Variants in DENND1A observed in about 807,000 individuals in gnomAD.
DENND1A encodes the protein DENN domain containing 1A.
Under a neutral mutation model 113.7 loss-of-function variants are expected in DENND1A, and 51 were observed. That is an observed-to-expected ratio of 0.45 (90% CI 0.36 to 0.57). DENND1A has a LOEUF of 0.57. DENND1A is among the 20% of genes least tolerant of loss of function. DENND1A has a pLI of 0.00. For missense variants in DENND1A, 1,258 were observed against 1,395.9 expected (o/e 0.90, Z 1.57); for synonymous variants, 565 against 570.8 (o/e 0.99, Z 0.14).
chr9:123,528,182 A>C (rs1184377897), intron 13 of DENND1A, among the ~76,000 whole-genome samples: 1 of 152,362 alleles, frequency 6.6e-6, no homozygotes, highest in Non-Finnish European at 1.5e-5. Context: ...TCAATATCAA[A>C]GCTATTCTCT....
At chr9:123,465,325 T>G (rs1300951775) in intron 13 of DENND1A, among the ~76,000 whole-genome samples, 1 of 149,198 alleles carries the variant, frequency 6.7e-6, no homozygotes, top group Non-Finnish European at 1.5e-5. Context: ...TTTTTTTTTT[T>G]TTTTTTGGTA....
At chr9:123,408,191 T>C (rs944695173) in intron 20 of DENND1A, among the ~76,000 whole-genome samples, 1 of 152,226 alleles carries the variant, frequency 6.6e-6, no homozygotes, top group African/African-American at 2.4e-5. Context: ...TGGAGGCTGA[T>C]GGCTCCTGAC....
chr9:123,718,125 AC>A (rs1345088781), intron 5 of DENND1A, among the ~76,000 whole-genome samples: 1 of 152,218 alleles, frequency 6.6e-6, no homozygotes, highest in East Asian at 1.9e-4. Context: ...AAAAGCACAT[AC>A]ACTAATGTGA....
chr9:123,778,089 T>C (rs1014585961), intron 3 of DENND1A, among the ~76,000 whole-genome samples: 4 of 152,130 alleles, frequency 2.6e-5, no homozygotes, highest in African/African-American at 9.7e-5. Flanking sequence ...AGAAATTATA[T>C]AATTCAAAAA....
At chr9:123,660,775 A>T (rs1056595432) in intron 8 of DENND1A, among the ~76,000 whole-genome samples, 1 of 152,260 alleles carries the variant, frequency 6.6e-6, no homozygotes, top group African/African-American at 2.4e-5. Flanking sequence ...ACGCCAAAAA[A>T]CAGGAGAAGA....
intron 13 of DENND1A, among the ~76,000 whole-genome samples, chr9:123,474,626 G>A (rs2049751337): frequency 6.6e-6 from 1 of 152,210 alleles, no homozygotes; most frequent in Non-Finnish European, 1.5e-5. Context: ...GGAGGATCAG[G>A]CTGGTTTTGA....
At chr9:123,685,705 T>C (rs1424882274) in intron 5 of DENND1A, among the ~76,000 whole-genome samples, 1 of 152,158 alleles carries the variant, frequency 6.6e-6, no homozygotes, top group Non-Finnish European at 1.5e-5. Context: ...GAAGTGTTGG[T>C]AACATGAGAT....
chr9:123,905,991 G>A (rs1173925485), intron 1 of DENND1A, among the ~76,000 whole-genome samples: 1 of 151,398 alleles, frequency 6.6e-6, no homozygotes, highest in South Asian at 2.1e-4. Flanking sequence ...AAAGAACAGA[G>A]ATTATAACAA....
intron 13 of DENND1A, among the ~76,000 whole-genome samples, chr9:123,472,978 T>TG (rs1348413343): frequency 6.6e-6 from 1 of 152,182 alleles, no homozygotes; most frequent in Non-Finnish European, 1.5e-5. Context: ...GCTGGGTCAG[T>TG]GTCCCTCCTC....
intron 13 of DENND1A, among the ~76,000 whole-genome samples, chr9:123,478,689 G>T (rs1178989534): frequency 6.6e-6 from 1 of 152,220 alleles, no homozygotes; most frequent in Non-Finnish European, 1.5e-5. Flanking sequence ...ATGGGATAAA[G>T]GAAGTCTAGT....
At chr9:123,906,160 G>A (rs1326681250) in intron 1 of DENND1A, among the ~76,000 whole-genome samples, 12 of 150,518 alleles carry the variant, frequency 8.0e-5, no homozygotes, top group African/African-American at 2.2e-4. Flanking sequence ...TGAAACCAAC[G>A]AGAACAAAGA....
At chr9:123,574,897 G>C (rs1459300744) in intron 12 of DENND1A, among the ~76,000 whole-genome samples, 1 of 152,202 alleles carries the variant, frequency 6.6e-6, no homozygotes, top group Non-Finnish European at 1.5e-5. Flanking sequence ...CTAAACTCCA[G>C]ACTTTATTGT....
chr9:123,619,131 G>C (rs1382488572), intron 10 of DENND1A, among the ~76,000 whole-genome samples: 1 of 152,036 alleles, frequency 6.6e-6, no homozygotes, highest in Non-Finnish European at 1.5e-5. Context: ...ATTTTTAGTA[G>C]AGACGGGGTC....
intron 3 of DENND1A, among the ~76,000 whole-genome samples, chr9:123,789,699 T>C (rs1832715626): frequency 6.6e-6 from 1 of 152,116 alleles, no homozygotes; most frequent in African/African-American, 2.4e-5. Context: ...TTTTCCACTC[T>C]AAAGGCAGTG....
At chr9:123,506,047 G>A (rs187132142) in intron 13 of DENND1A, among the ~76,000 whole-genome samples, 1 of 151,924 alleles carries the variant, frequency 6.6e-6, no homozygotes, top group East Asian at 1.9e-4. Context: ...ACACCTCCGA[G>A]AGCCCACACA....
chr9:123,540,545 GGAA>G (rs1387319501), intron 13 of DENND1A, among the ~76,000 whole-genome samples: 3 of 152,110 alleles, frequency 2.0e-5, no homozygotes, highest in Non-Finnish European at 4.4e-5. Context: ...ATCACTTTTT[GGAA>G]GAAGAGAAAA....
At chr9:123,522,196 C>G (rs1230820971) in intron 13 of DENND1A, among the ~76,000 whole-genome samples, 2 of 152,182 alleles carry the variant, frequency 1.3e-5, no homozygotes, top group African/African-American at 4.8e-5. Context: ...CCTGCTACCC[C>G]CTTGGACATG....
At chr9:123,431,214 C>T (rs2046108559) in intron 19 of DENND1A, among the ~76,000 whole-genome samples, 2 of 152,174 alleles carry the variant, frequency 1.3e-5, no homozygotes, top group South Asian at 2.1e-4. Flanking sequence ...TCTGGTACCT[C>T]CAGTGCTAGC....
chr9:123,810,564 A>C lies in DENND1A; in HGVS notation c.89-17934T>G, dbSNP rs569939255. ...CATGTCTCTACAAAAAAAAAAAAAA[A>C]AAAAACAAACATACTAACGAAAGCT... is the stretch of plus-strand genomic sequence containing the variant. On this transcript the variant is annotated intron_variant, in intron 2 of 23. Coordinates refer to ENST00000394215, the MANE Select transcript of DENND1A (RefSeq NM_001352964.2). Among the ~76,000 whole-genome samples the C allele has an allele frequency of 2.0e-5, 3 of 151,210 alleles. No homozygotes were observed. In the South Asian group the frequency reaches 6.3e-4, roughly 32 times the overall value.
Sources: gnomAD v4.1 joint callset for allele counts (sites outside exome capture counted in the v4.1 genomes callset) on GRCh38, gnomAD v4.1.1 for gene constraint, MANE v1.5 for transcripts, NCBI Gene and HGNC (gene_info 2026-07-23, HGNC 2026-07-21) for gene names.